The following C11orf65 variants were observed in gnomAD, a reference collection of about 807,000 sequenced individuals.
C11orf65 encodes the protein chromosome 11 open reading frame 65, also known as protein MFI.
A neutral mutation model predicts 35.3 loss-of-function variants in C11orf65; 38 were observed. That is an observed-to-expected ratio of 1.08 (90% confidence interval 0.83 to 1.41). The LOEUF is 1.41. Ranked by LOEUF, C11orf65 falls within the 40% of genes most tolerant of loss-of-function variation. The probability of loss-of-function intolerance (pLI) is 0.00; values close to 1 mark genes in which losing one functional copy is unlikely to be tolerated. For synonymous variants in C11orf65, 105 were observed against 114.4 expected (o/e 0.92, Z 0.53); for missense variants, 370 against 367.1 (o/e 1.01, Z -0.06).
downstream of C11orf65, among the ~76,000 whole-genome samples, chr11:108,379,576 TGTA>T (rs1443994284): frequency 2.6e-5 from 4 of 151,664 alleles, no homozygotes; most frequent in African/African-American, 9.7e-5. Context: ...TGTATACATA[TGTA>T]ACTAATTCGC....
At chr11:108,336,535 T>G (rs2086879800) in intron 2 of C11orf65, 1 of 154,618 alleles carries the variant, frequency 6.5e-6, no homozygotes, top group African/African-American at 2.4e-5. Flanking sequence ...ATTGTGTGTA[T>G]GTATGTAGTT....
At chr11:108,325,248 AGTT>A in intron 6 of C11orf65, 1 of 907,832 alleles carries the variant, frequency 1.1e-6, no homozygotes, top group Non-Finnish European at 1.6e-6. Flanking sequence ...GAACTTACAT[AGTT>A]TTTTTTTTTT....
At chr11:108,386,225 C>T (rs1431372906) in intron 7 of C11orf65, among the ~76,000 whole-genome samples, 1 of 152,186 alleles carries the variant, frequency 6.6e-6, no homozygotes, top group Non-Finnish European at 1.5e-5. Context: ...TTTCACCTCC[C>T]TCTAGCATGC....
In C11orf65 at chr11:108,314,290, A is replaced by G. The variant is rs897930947; in HGVS notation, c.641-5219T>C. ...CCCACCATCTCCAGCTAATTTTTGT[A>G]GAGATGGGTTTAGCCATGTTGCCCA... On this transcript the variant is annotated intron_variant, in intron 6 of 6. Transcript: ENST00000525729. Among the ~76,000 whole-genome samples, 13 of 152,050 alleles carry G rather than the reference A, an allele frequency of 8.5e-5. 1 individual carries two copies. In the South Asian group the frequency reaches 2.7e-3, roughly 32 times the overall value.
intron 2 of C11orf65, chr11:108,365,785 G>C: frequency 2.3e-6 from 1 of 433,576 alleles, no homozygotes; most frequent in Non-Finnish European, 4.2e-6. Flanking sequence ...AGGCCGAGGT[G>C]AGCGGATCAC....
At chr11:108,434,296 G>A (rs1259431601) in intron 2 of C11orf65, among the ~76,000 whole-genome samples, 2 of 152,116 alleles carry the variant, frequency 1.3e-5, no homozygotes. Flanking sequence ...CTTGAGGTCA[G>A]GGGTTCGAGA....
intron 3 of C11orf65, among the ~76,000 whole-genome samples, chr11:108,425,227 T>C (rs1249162117): frequency 6.6e-6 from 1 of 152,096 alleles, no homozygotes; most frequent in Non-Finnish European, 1.5e-5. Flanking sequence ...AGCTGTTTTT[T>C]TGAAAAGATT....
intron 2 of C11orf65, among the ~76,000 whole-genome samples, chr11:108,460,118 A>T (rs955849151): frequency 2.0e-5 from 3 of 152,122 alleles, no homozygotes; most frequent in Non-Finnish European, 4.4e-5. Context: ...AAAAACACAT[A>T]TTATTTTAGT....
chr11:108,349,459 T>C lies in C11orf65; in HGVS notation c.227-14167A>G, dbSNP rs185397377. 5.4e-3 allele frequency among the ~76,000 whole-genome samples: 826 copies of C among 152,106 alleles called. 7 individuals are homozygous for C. Among genetic ancestry groups the C allele is most frequent in the Middle Eastern group, 0.014 (4 of 294 alleles). ...GCAGGTGGATCACGAGGTCAGGAGA[T>C]TGAGACCATCCTGGCCAACATGGTG... On this transcript the variant is annotated intron_variant, in intron 2 of 3. Coordinates refer to the C11orf65 transcript ENST00000524755.
At chr11:108,469,764 A>G (rs779739679), upstream of C11orf65, among the ~76,000 whole-genome samples, 7 of 152,078 alleles carry the variant, frequency 4.6e-5, no homozygotes, top group Non-Finnish European at 7.4e-5. Context: ...ACAAGGGATC[A>G]TTAAGACTAG....
chr11:108,312,467 A>C lies in C11orf65; in HGVS notation c.641-3396T>G, dbSNP rs150757822. 2.2e-4 allele frequency: 344 copies of C among 1,590,620 alleles called. 2 individuals are homozygous for C. The highest frequency in any genetic ancestry group is 8.3e-4 in the Middle Eastern group (5 of 6,008). On this transcript the variant is annotated intron_variant, in intron 6 of 6. Coordinates refer to the C11orf65 transcript ENST00000525729. ...ACAACTATTTCTAGCTTGAGTGAAA[A>C]AAGTAAAGAAGAAACTGGAATAAGT...
At chr11:108,435,262 G>A (rs1583598) in intron 2 of C11orf65, among the ~76,000 whole-genome samples, 94,064 of 151,780 alleles carry the variant, frequency 0.62, 29,444 homozygotes, top group Middle Eastern at 0.76. Flanking sequence ...ACATACCAAT[G>A]TTAAAATGGA....
intron 2 of C11orf65, among the ~76,000 whole-genome samples, chr11:108,352,011 C>G (rs2089265617): frequency 1.3e-5 from 2 of 152,134 alleles, no homozygotes; most frequent in South Asian, 4.1e-4. Flanking sequence ...GTCTTCTGCC[C>G]TTACCTAGCA....
chr11:108,329,335 A>G, downstream of C11orf65: 1 of 1,108,728 alleles, frequency 9.0e-7, no homozygotes, highest in Non-Finnish European at 1.3e-6. Context: ...TATCTGATAT[A>G]GTTTTGAGCT....
intron 2 of C11orf65, among the ~76,000 whole-genome samples, chr11:108,341,340 C>T (rs770326740): frequency 3.3e-5 from 5 of 152,082 alleles, no homozygotes; most frequent in South Asian, 2.1e-4. Flanking sequence ...GTTGCCATTA[C>T]CCACTTTCTC....
chr11:108,379,004 T>C (rs1237378155), downstream of C11orf65, among the ~76,000 whole-genome samples: 3 of 152,058 alleles, frequency 2.0e-5, no homozygotes, highest in South Asian at 2.1e-4. Context: ...TGTGGAGAAA[T>C]AGGAACCCTT....
At chr11:108,432,617 A>T (rs569302868) in intron 2 of C11orf65, among the ~76,000 whole-genome samples, 1 of 152,238 alleles carries the variant, frequency 6.6e-6, no homozygotes, top group Admixed American at 6.5e-5. Flanking sequence ...CTTGGTAAAC[A>T]CCCCACTCCC....
intron 6 of C11orf65, among the ~76,000 whole-genome samples, chr11:108,394,416 A>T (rs2092256243): frequency 2.0e-5 from 3 of 152,152 alleles, no homozygotes; most frequent in African/African-American, 4.8e-5. Context: ...AATTTTAAAA[A>T]TTTTTAAAGA....
At chr11:108,341,494 C>T (rs2087570135) in intron 2 of C11orf65, among the ~76,000 whole-genome samples, 2 of 152,096 alleles carry the variant, frequency 1.3e-5, no homozygotes, top group African/African-American at 4.8e-5. Flanking sequence ...TCTCAGTGCC[C>T]TAGCCCTGTG....
Sources: gnomAD v4.1 joint callset for allele counts (sites outside exome capture counted in the v4.1 genomes callset) on GRCh38, gnomAD v4.1.1 for gene constraint, MANE v1.5 for transcripts, NCBI Gene and HGNC (gene_info 2026-07-23, HGNC 2026-07-21) for gene names.